Variants in SOCS5 observed in about 807,000 individuals in gnomAD.
SOCS5 encodes suppressor of cytokine signaling 5.
SOCS5 carries 32 observed loss-of-function variants against 42.8 expected under a neutral mutation model. The ratio of observed to expected loss-of-function variants is 0.75; its 90% CI spans 0.56 to 1.01. SOCS5 has a LOEUF of 1.01. SOCS5 is among the 50% of genes least tolerant of loss of function. The pLI is 0.00. For missense variants in SOCS5, 627 were observed against 653.0 expected (o/e 0.96, Z 0.43); for synonymous variants, 283 against 229.6 (o/e 1.23, Z -2.10).
In SOCS5 at chr2:46,758,993, C is replaced by T. The variant is rs1286223682; in HGVS notation, c.463C>T (p.Arg155Cys). 3.1e-6 allele frequency: 5 copies of T among 1,613,868 alleles called. No homozygotes were observed. In the African/African-American group the frequency reaches 5.3e-5, roughly 17 times the overall value. Reference sequence around the variant, plus strand: ...AAGTGGACTTCAAAGGAGAGAGAGGCGCTACGGCGTAAGTTCTGTACACGA... The same window carrying T: ...AAGTGGACTTCAAAGGAGAGAGAGGTGCTACGGCGTAAGTTCTGTACACGA... ...TRSGLQRRER[R>C]YGVSSVHDMD... The change falls in exon 2 of 2, where the codon CGC (arginine) becomes TGC (cysteine). Residue 155 changes from arginine to cysteine, a missense_variant. By Grantham distance (180) the Arg-to-Cys change is radical. Transcript: ENST00000394861.
chr2:46,759,335 C>A lies in SOCS5; in HGVS notation c.805C>A (p.Arg269=). ...AGAAGATAGGCTTAGAGAGAGAAGGCGGCTTAGTATTGAAGAAGGGGTTGA... is the reference window on the plus strand; with the variant it reads ...AGAAGATAGGCTTAGAGAGAGAAGGAGGCTTAGTATTGAAGAAGGGGTTGA... The part of the protein sequence containing the change: ...DEEDRLRERR[R]LSIEEGVDPP... Residue 269 remains arginine, a synonymous_variant, in exon 2 of 2, where the codon CGG becomes AGG. Transcript: ENST00000394861. The A allele has an allele frequency of 6.2e-7, 1 of 1,613,732 alleles. No individual in the cohort carries two copies. Among genetic ancestry groups the A allele is most frequent in the Non-Finnish European group, 8.5e-7 (1 of 1,179,674 alleles).
At chr2:46,738,247 G>A (rs1308651479) in intron 1 of SOCS5, among the ~76,000 whole-genome samples, 1 of 152,134 alleles carries the variant, frequency 6.6e-6, no homozygotes, top group Non-Finnish European at 1.5e-5. Context: ...GCAGTATAAT[G>A]AGTCCAGGAA....
intron 1 of SOCS5, among the ~76,000 whole-genome samples, chr2:46,714,615 G>C (rs1672699224): frequency 6.6e-6 from 1 of 152,030 alleles, no homozygotes; most frequent in Non-Finnish European, 1.5e-5. Context: ...TTTAGATCAG[G>C]GTTGGCAAAC....
chr2:46,703,847 G>C (rs982986108), intron 1 of SOCS5, among the ~76,000 whole-genome samples: 1 of 152,144 alleles, frequency 6.6e-6, no homozygotes, highest in Non-Finnish European at 1.5e-5. Flanking sequence ...TACTTTCAAG[G>C]GGAGTGGGGA....
At chr2:46,742,017 A>G (rs1673389983) in intron 1 of SOCS5, among the ~76,000 whole-genome samples, 1 of 152,212 alleles carries the variant, frequency 6.6e-6, no homozygotes, top group Non-Finnish European at 1.5e-5. Flanking sequence ...GTGTGTGACA[A>G]TGCTACTTTC....
chr2:46,745,843 C>T (rs1036614164), intron 1 of SOCS5, among the ~76,000 whole-genome samples: 1 of 152,062 alleles, frequency 6.6e-6, no homozygotes, highest in Non-Finnish European at 1.5e-5. Context: ...GATTGAAGAG[C>T]GGCCAGTCAG....
intron 1 of SOCS5, among the ~76,000 whole-genome samples, chr2:46,737,255 G>A (rs1456025155): frequency 6.6e-6 from 1 of 152,126 alleles, no homozygotes; most frequent in African/African-American, 2.4e-5. Context: ...TAATTATTTG[G>A]TGAGAGACAC....
At chr2:46,727,588 G>C (rs1254298295) in intron 1 of SOCS5, among the ~76,000 whole-genome samples, 1 of 152,142 alleles carries the variant, frequency 6.6e-6, no homozygotes, top group Non-Finnish European at 1.5e-5. Context: ...TGTTTTCAAA[G>C]CCTGTAGTGC....
At chr2:46,754,232 A>G (rs1673685535) in intron 1 of SOCS5, among the ~76,000 whole-genome samples, 2 of 152,206 alleles carry the variant, frequency 1.3e-5, no homozygotes, top group African/African-American at 4.8e-5. Flanking sequence ...CCCATAATGT[A>G]TCATGTAAGA....
At chr2:46,751,895 G>A (rs1355437267) in intron 1 of SOCS5, among the ~76,000 whole-genome samples, 3 of 152,116 alleles carry the variant, frequency 2.0e-5, no homozygotes, top group Non-Finnish European at 4.4e-5. Context: ...AATGGTTAAT[G>A]AAAATCAGAA....
At chr2:46,707,967 G>A (rs1332539786) in intron 1 of SOCS5, among the ~76,000 whole-genome samples, 1 of 152,186 alleles carries the variant, frequency 6.6e-6, no homozygotes, top group Non-Finnish European at 1.5e-5. Context: ...ATAATAAAGT[G>A]TTGAATATCT....
At chr2:46,735,325 CA>C (rs1327972550) in intron 1 of SOCS5, among the ~76,000 whole-genome samples, 1 of 152,106 alleles carries the variant, frequency 6.6e-6, no homozygotes, top group Non-Finnish European at 1.5e-5. Context: ...AAAAAAGAGA[CA>C]AAGGGCATAC....
At chr2:46,732,442 G>A (rs186544869) in intron 1 of SOCS5, among the ~76,000 whole-genome samples, 1 of 152,204 alleles carries the variant, frequency 6.6e-6, no homozygotes, top group Non-Finnish European at 1.5e-5. Context: ...GGAATAGCAT[G>A]CAGAAGGAAG....
chr2:46,758,595 A>G lies in SOCS5; in HGVS notation c.65A>G (p.Glu22Gly). The stretch of plus-strand genomic sequence containing the variant: ...AGGTGTCAGAATCTCTTCGGTCATG[A>G]GGGAGGAAGCCGTAGTGAAAATGTG... ...KYRCQNLFGH[E>G]GGSRSENVDM... The change falls in exon 2 of 2, where the codon GAG (glutamate) becomes GGG (glycine). Residue 22 changes from glutamate to glycine, a missense_variant. Glu to Gly is a moderately conservative substitution (Grantham distance 98, BLOSUM62 -2). Transcript: ENST00000394861. 1.2e-6 allele frequency: 2 copies of G among 1,613,466 alleles called. No individual in the cohort carries two copies. Among genetic ancestry groups the G allele is most frequent in the Non-Finnish European group, 8.5e-7 (1 of 1,179,548 alleles).
At chr2:46,735,479 CA>C (rs1673222743) in intron 1 of SOCS5, among the ~76,000 whole-genome samples, 1 of 152,142 alleles carries the variant, frequency 6.6e-6, no homozygotes, top group South Asian at 2.1e-4. Context: ...GGACAATTGG[CA>C]GTCTGCCACA....
chr2:46,717,616 A>G (rs1672778506), intron 1 of SOCS5, among the ~76,000 whole-genome samples: 1 of 152,078 alleles, frequency 6.6e-6, no homozygotes. Flanking sequence ...ATTTCTTATA[A>G]TTGCTCACTT....
chr2:46,731,262 G>C (rs1465097007), intron 1 of SOCS5, among the ~76,000 whole-genome samples: 2 of 152,188 alleles, frequency 1.3e-5, no homozygotes, highest in African/African-American at 4.8e-5. Flanking sequence ...TCGTGCCTTT[G>C]TACGGAGCTG....
Position 46,752,922 on chromosome 2 carries a change from T to G in SOCS5, c.-12-5597T>G, listed in dbSNP as rs191236801. On this transcript the variant is annotated intron_variant, in intron 1 of 1. Transcript: ENST00000394861. The stretch of plus-strand genomic sequence containing the variant: ...CTCATTTCCCATTTTCAATTGATCT[T>G]CAATCCTATAGATTTGACATCTGAA... 1.5e-4 allele frequency among the ~76,000 whole-genome samples: 23 copies of G among 152,328 alleles called. No individual in the cohort carries two copies. In the East Asian group the frequency reaches 2.9e-3, roughly 19 times the overall value.
At chr2:46,730,254 TTAA>T (rs1673086242) in intron 1 of SOCS5, among the ~76,000 whole-genome samples, 2 of 152,204 alleles carry the variant, frequency 1.3e-5, no homozygotes, top group Non-Finnish European at 2.9e-5. Context: ...TTTCAGGATA[TTAA>T]TACTGTTTGT....
Sources: allele counts gnomAD v4.1 joint callset (sites outside exome capture counted in the v4.1 genomes callset), GRCh38; gene constraint gnomAD v4.1.1; transcripts MANE v1.5; gene names NCBI Gene and HGNC (gene_info 2026-07-23, HGNC 2026-07-21).